The following GIGYF2 variants were observed in gnomAD, a reference collection of about 807,000 sequenced individuals.
GIGYF2 encodes GRB10 interacting GYF protein 2.
A neutral mutation model predicts 208.1 loss-of-function variants in GIGYF2; 25 were observed. The ratio of observed to expected loss-of-function variants is 0.12; its 90% CI spans 0.09 to 0.17. The LOEUF (loss-of-function observed/expected upper bound fraction) is 0.17. Ranked by LOEUF, GIGYF2 falls within the 10% of genes least tolerant of loss-of-function variation. GIGYF2 has a pLI of 1.00. For synonymous variants in GIGYF2, 534 were observed against 543.8 expected (o/e 0.98, Z 0.25); for missense variants, 1,302 against 1,579.4 (o/e 0.82, Z 2.98).
At chr2:232,722,158 T>G (rs947135073) in intron 2 of GIGYF2, among the ~76,000 whole-genome samples, 2 of 152,174 alleles carry the variant, frequency 1.3e-5, no homozygotes, top group East Asian at 3.8e-4. Context: ...CCTTGCAGAT[T>G]AGCTTCCCTC....
At chr2:232,796,908 G>A (rs956572971) in intron 14 of GIGYF2, among the ~76,000 whole-genome samples, 3 of 152,130 alleles carry the variant, frequency 2.0e-5, no homozygotes, top group Non-Finnish European at 4.4e-5. Flanking sequence ...ATATGACAGG[G>A]ATAATATTTA....
At chr2:232,816,633 A>G (rs1308667499) in intron 19 of GIGYF2, among the ~76,000 whole-genome samples, 1 of 152,174 alleles carries the variant, frequency 6.6e-6, no homozygotes, top group East Asian at 1.9e-4. Flanking sequence ...GAGCTCTTAC[A>G]GGGTGTTGAT....
chr2:232,786,498 A>G (rs1699912235), intron 8 of GIGYF2, among the ~76,000 whole-genome samples: 1 of 152,142 alleles, frequency 6.6e-6, no homozygotes, highest in African/African-American at 2.4e-5. Flanking sequence ...CGGCCTCCCA[A>G]AGTGCTGGGA....
Position 232,791,092 on chromosome 2 carries a change from G to C in GIGYF2, c.1015G>C (p.Gly339Arg). 1 of 1,613,918 alleles carries C rather than the reference G, an allele frequency of 6.2e-7. No individual in the cohort carries two copies. Residue 339 changes from glycine (G) to arginine (R), a missense_variant, in exon 11 of 29, where the codon GGT becomes CGT. This residue lies in a region of GIGYF2 where 235 missense variants were observed against 218.8 expected (regional missense o/e 1.07). Transcript: ENST00000373563. ...AGGGGAGGAGTGCTCTGACTCTGAG[G>C]GTAGCCATAATGAAGAGGCCAAAGA... ...DEGEECSDSE[G>R]SHNEEAKEPD...
At position 232,818,416 on chromosome 2, in the gene GIGYF2, C is replaced by T. The variant is rs76051318; in HGVS notation, c.2370+1384C>T. On this transcript the variant is annotated intron_variant, in intron 20 of 28. Transcript: ENST00000373563. ...CATTTGAAGAAATTTAGACAGAAAT[C>T]ACCCAGCAATAATTTTGAATGTAAT... Among the ~76,000 whole-genome samples, 1,434 of 152,246 alleles carry T rather than the reference C, an allele frequency of 9.4e-3. 22 individuals carry two copies. The highest frequency in any genetic ancestry group is 0.032 in the African/African-American group (1,337 of 41,550).
Position 232,719,911 on chromosome 2 carries a change from G to GT in GIGYF2, c.-43-15234dup, listed in dbSNP as rs531256020. 7.1e-3 allele frequency among the ~76,000 whole-genome samples: 1,051 copies of GT among 148,554 alleles called. 7 individuals are homozygous for GT. Among genetic ancestry groups the GT allele is most frequent in the African/African-American group, 0.019 (782 of 40,416 alleles). ...GTTATGTAGAAATATTCTCTCAGCT[G>GT]TTTTTTTTTTGTTATAGATTAAGTT... is the stretch of plus-strand genomic sequence containing the variant. On this transcript the variant is annotated intron_variant, in intron 2 of 28. Coordinates refer to ENST00000373563, the MANE Select transcript of GIGYF2 (RefSeq NM_001103146.3).
intron 5 of GIGYF2, among the ~76,000 whole-genome samples, chr2:232,750,978 T>G (rs1422405485): frequency 6.6e-6 from 1 of 152,072 alleles, no homozygotes; most frequent in East Asian, 1.9e-4. Context: ...TACAGGTGCA[T>G]GCCACTGCAT....
intron 14 of GIGYF2, among the ~76,000 whole-genome samples, chr2:232,803,422 A>C (rs550021464): frequency 1.1e-4 from 17 of 152,022 alleles, no homozygotes; most frequent in Admixed American, 4.6e-4. Context: ...TTAGATGCCA[A>C]TGGTTTTTTT....
In GIGYF2 at chr2:232,841,461, ATTTTTTTTTTT is replaced by A. The variant is rs57307878; in HGVS notation, c.2889+1503_2889+1513del. ...CAGGCACTTGCCACCACCACCAGCT[ATTTTTTTTTTT>A]TTTTTTTTTTTTAAGTATTTTTAGT... On this transcript the variant is annotated intron_variant, in intron 23 of 28. Coordinates refer to ENST00000373563, the MANE Select transcript of GIGYF2 (RefSeq NM_001103146.3). 3.2e-3 allele frequency among the ~76,000 whole-genome samples: 443 copies of A among 138,790 alleles called. 1 individual carries two copies. Among genetic ancestry groups the A allele is most frequent in the African/African-American group, 0.011 (414 of 37,560 alleles). 91.1% of individuals were successfully genotyped at this position (138,790 alleles called of 152,430 possible).
intron 3 of GIGYF2, among the ~76,000 whole-genome samples, chr2:232,739,550 A>G (rs1420712878): frequency 4.0e-5 from 6 of 151,018 alleles, no homozygotes; most frequent in Admixed American, 4.0e-4. Flanking sequence ...GTGGTGGTGC[A>G]TATGTTTGGT....
At chr2:232,712,867 G>T (rs923904317) in intron 2 of GIGYF2, among the ~76,000 whole-genome samples, 3 of 152,060 alleles carry the variant, frequency 2.0e-5, no homozygotes, top group African/African-American at 7.2e-5. Flanking sequence ...ATCACTGAAG[G>T]TTTTTAGATA....
chr2:232,811,317 C>T lies in GIGYF2; in HGVS notation c.1972C>T (p.Leu658Phe). 6.2e-7 allele frequency: 1 copy of T among 1,610,308 alleles called. No individual in the cohort carries two copies. The highest frequency in any genetic ancestry group is 2.2e-5 in the East Asian group (1 of 44,842). Reference protein sequence around the residue: ...LSSQQQQQLALLLQQFQTLKM... With the variant: ...LSSQQQQQLAFLLQQFQTLKM... ...TTCCCAGCAGCAGCAGCAGTTGGCA[C>T]TTCTTCTTCAACAGTTTCAGACCTT... The change falls in exon 17 of 29, where the codon CTT becomes TTT. Residue 658 changes from leucine to phenylalanine, a missense_variant. Leu to Phe is a conservative substitution (Grantham distance 22). Around this residue, in one of 8 missense-constraint regions of GIGYF2, gnomAD observed 701 missense variants for 793.0 expected, o/e 0.88. Transcript: ENST00000373563.
chr2:232,847,432 C>T lies in GIGYF2; in HGVS notation c.3545C>T (p.Ser1182Phe). The change falls in exon 27 of 29, where the codon TCT becomes TTT. Residue 1182 changes from serine to phenylalanine, a missense_variant. This residue lies in a region of GIGYF2 where 701 missense variants were observed against 793.0 expected (regional missense o/e 0.88). Transcript: ENST00000373563. ...ATCAGGGCCTATTTAGGAGATACTT[C>T]TGAGGCCAAGGAGTTTGCCAAGCAG... ...DYIRAYLGDT[S>F]EAKEFAKQFL... is the part of the protein sequence containing the mutation. 6.2e-7 allele frequency: 1 copy of T among 1,613,916 alleles called. No individual in the cohort carries two copies. Among genetic ancestry groups the T allele is most frequent in the Non-Finnish European group, 8.5e-7 (1 of 1,179,910 alleles).
At chr2:232,850,731 G>A (rs991283447) in intron 28 of GIGYF2, among the ~76,000 whole-genome samples, 2 of 152,110 alleles carry the variant, frequency 1.3e-5, no homozygotes, top group Admixed American at 1.3e-4. Flanking sequence ...AATAATGAAC[G>A]ATACTAAAAG....
chr2:232,826,699 C>A (rs571242553), intron 21 of GIGYF2, among the ~76,000 whole-genome samples: 45 of 152,222 alleles, frequency 3.0e-4, no homozygotes, highest in Non-Finnish European at 5.4e-4. Flanking sequence ...AAAAAAACAA[C>A]CCCATCAAAA....
chr2:232,747,914 AG>A (rs1698208269), intron 4 of GIGYF2, among the ~76,000 whole-genome samples, 170 bp downstream of exon 4: 1 of 151,846 alleles, frequency 6.6e-6, no homozygotes, highest in Admixed American at 6.5e-5. Context: ...GGATCTTCTA[AG>A]TGTTATCACA....
chr2:232,758,202 T>G lies in GIGYF2; in HGVS notation c.379+1868T>G, dbSNP rs537730204. Among the ~76,000 whole-genome samples, 3 of 152,340 alleles carry G rather than the reference T, an allele frequency of 2.0e-5. No homozygotes were observed. The East Asian group carries it at 5.8e-4, about 29-fold the overall frequency. On this transcript the variant is annotated intron_variant, in intron 6 of 28. Coordinates refer to ENST00000373563, the MANE Select transcript of GIGYF2 (RefSeq NM_001103146.3). ...TAATGATTATTGTGGCTTTTCTTTG[T>G]ATAGGCAGAGCTAACACTAGATGAT... is the stretch of plus-strand genomic sequence containing the variant.
chr2:232,841,754 G>A (rs183637417), intron 23 of GIGYF2, among the ~76,000 whole-genome samples: 1 of 152,172 alleles, frequency 6.6e-6, no homozygotes, highest in East Asian at 1.9e-4. Flanking sequence ...CATCCCTGGA[G>A]GCATCCTTTC....
intron 14 of GIGYF2, among the ~76,000 whole-genome samples, chr2:232,800,205 C>T (rs1447704471): frequency 3.3e-5 from 5 of 151,564 alleles, no homozygotes; most frequent in Non-Finnish European, 7.4e-5. Flanking sequence ...ATTATTGTAT[C>T]CAATGTTATA....
Sources: allele counts gnomAD v4.1 joint callset (sites outside exome capture counted in the v4.1 genomes callset), GRCh38; gene constraint gnomAD v4.1.1; regional missense constraint gnomAD v4.1.1; transcripts MANE v1.5; gene names NCBI Gene and HGNC (gene_info 2026-07-23, HGNC 2026-07-21).